Variants in MICB observed in about 807,000 individuals in gnomAD.
The protein encoded by MICB is MHC class I antigen-related protein B.
In MICB, 27 loss-of-function variants were observed where a neutral mutation model predicts 34.3. The observed-to-expected ratio is 0.79, with a 90% CI of 0.58 to 1.08. The LOEUF (loss-of-function observed/expected upper bound fraction) is 1.08. MICB is among the 50% of genes least tolerant of loss of function. The pLI is 0.00. For synonymous variants in MICB, 153 were observed against 187.4 expected, an observed-to-expected ratio of 0.82 and a Z score of 1.50; for missense variants, 426 against 483.1, an observed-to-expected ratio of 0.88 and a Z score of 1.11.
chr6:31,508,505 C>T (rs1215844160), intron 5 of MICB, among the ~76,000 whole-genome samples: 4 of 152,174 alleles, frequency 2.6e-5, no homozygotes, highest in Non-Finnish European at 4.4e-5. Context: ...TGTCAGTCGG[C>T]CCCTCATGCC....
At chr6:31,502,045 G>C (rs1172593155) in intron 1 of MICB, among the ~76,000 whole-genome samples, 1 of 152,140 alleles carries the variant, frequency 6.6e-6, no homozygotes, top group Non-Finnish European at 1.5e-5. Context: ...TAACAAAATT[G>C]ATTCTTCCGG....
At position 31,507,166 on chromosome 6, in the gene MICB, G is replaced by C. The variant is rs141005467; in HGVS notation, c.758G>C (p.Trp253Ser). 10 of 1,614,020 alleles carry C rather than the reference G, an allele frequency of 6.2e-6. No individual in the cohort carries two copies. The highest frequency in any genetic ancestry group is 2.2e-5 in the South Asian group (2 of 91,088). Residue 253 changes from tryptophan to serine, a missense_variant, in exon 4 of 6, where the codon TGG becomes TCG. Transcript: ENST00000252229. This position sits in a 1 kb window ranked among gnomAD's most constrained non-coding sequence, Gnocchi z 6.0. Reference protein sequence around the residue: ...GVSLSHNTQQWGDVLPDGNGT... With the variant: ...GVSLSHNTQQSGDVLPDGNGT... ...TCTTTGAGCCACAACACCCAGCAGT[G>C]GGGGGATGTCCTGCCTGATGGGAAT... is the stretch of plus-strand genomic sequence containing the variant.
chr6:31,507,519 G>T lies in MICB; in HGVS notation c.1012G>T (p.Ala338Ser), dbSNP rs958790674. 2 of 1,614,052 alleles carry T rather than the reference G, an allele frequency of 1.2e-6. No homozygotes were observed. The highest frequency in any genetic ancestry group is 1.7e-6 in the Non-Finnish European group (2 of 1,180,038). ...TTGTTGCAAGAAGAAAACATCAGCG[G>T]CAGAGGGTCCAGGTGAGAAAAGGGG... The part of the protein sequence containing the change: ...VPCCKKKTSA[A>S]EGPELVSLQV... Residue 338 changes from alanine to serine, a missense_variant, in exon 5 of 6, where the codon GCA becomes TCA. Physicochemically the swap from Ala to Ser is moderately conservative, Grantham distance 99. Transcript: ENST00000252229. The surrounding 1 kb of genome is among the most constrained non-coding windows in gnomAD (Gnocchi z 6.0).
Position 31,505,855 on chromosome 6 carries a change from C to G in MICB, c.309C>G (p.Ile103Met). Residue 103 changes from isoleucine (I) to methionine (M), a missense_variant, in exon 2 of 6, where the codon ATC (isoleucine) becomes ATG (methionine). Ile to Met is a conservative substitution (Grantham distance 10, BLOSUM62 1). Coordinates refer to ENST00000252229, the MANE Select transcript of MICB (RefSeq NM_005931.5). The part of the protein sequence containing the change: ...GQDLRRTLTH[I>M]KDQKGGLHSL... ...ACCTCAGGAGGACCCTGACTCATAT[C>G]AAGGACCAGAAAGGAGGTGAGAGTC... The G allele has an allele frequency of 1.9e-6, 3 of 1,608,180 alleles. No homozygotes were observed. The highest frequency in any genetic ancestry group is 2.5e-6 in the Non-Finnish European group (3 of 1,177,466).
In MICB at chr6:31,498,446, C is replaced by CTT. The variant is rs9279321; in HGVS notation, c.70+219_70+220dup. 5.9e-4 allele frequency among the ~76,000 whole-genome samples: 53 copies of CTT among 89,298 alleles called. 2 individuals are homozygous for CTT. The highest frequency in any genetic ancestry group is 1.4e-3 in the African/African-American group (31 of 21,532). The allele number at this position is 89,298 out of a possible 152,430, so 58.6% of individuals were successfully genotyped here. On this transcript the variant is annotated intron_variant, in intron 1 of 5. Coordinates refer to ENST00000252229, the MANE Select transcript of MICB (RefSeq NM_005931.5). ...AGCCCTGCTTTCCCATCTCCCGTCT[C>CTT]TTTTTTTTTTTTTTTTTTTTTTTTT...
Position 31,509,791 on chromosome 6 carries a change from G to C in MICB, c.1034G>C (p.Ser345Thr). The change falls in exon 6 of 6, where the codon AGC becomes ACC. Residue 345 changes from serine (S) to threonine (T), a missense_variant. Transcript: ENST00000252229. ...TTTCCCTCTTCTCCAGAGCTTGTGA[G>C]CCTGCAGGTCCTGGATCAACACCCA... is the stretch of plus-strand genomic sequence containing the variant. ...TSAAEGPELV[S>T]LQVLDQHPVG... is the part of the protein sequence containing the mutation. 6.2e-7 allele frequency: 1 copy of C among 1,611,320 alleles called. No individual in the cohort carries two copies. The highest frequency in any genetic ancestry group is 8.5e-7 in the Non-Finnish European group (1 of 1,178,512).
intron 3 of MICB, among the ~76,000 whole-genome samples, chr6:31,506,796 T>C (rs1765361532): frequency 1.3e-5 from 2 of 152,064 alleles, no homozygotes; most frequent in South Asian, 4.2e-4. Flanking sequence ...GACATCCCCC[T>C]CCTCAGCATC....
At chr6:31,509,757 A>ATT in intron 5 of MICB, 25 bp from the exon 6 acceptor site, 1 of 1,595,042 alleles carries the variant, frequency 6.3e-7, no homozygotes, top group Non-Finnish European at 8.5e-7. Flanking sequence ...CCAGTGGAGC[A>ATT]TTTACCCGTT....
intron 5 of MICB, among the ~76,000 whole-genome samples, chr6:31,508,586 G>A (rs9267426): frequency 0.043 from 6,514 of 152,272 alleles, 186 homozygotes; most frequent in Non-Finnish European, 0.059. Flanking sequence ...CCACAGCAGG[G>A]GCAGTGCAGG....
At chr6:31,505,970 G>T (rs1356083172) in intron 2 of MICB, 99 bp downstream of exon 2, 1 of 1,492,318 alleles carries the variant, frequency 6.7e-7, no homozygotes. Flanking sequence ...CTGGCTGGGG[G>T]TGGGGATGAG....
At chr6:31,500,849 T>A (rs1764982085) in intron 1 of MICB, among the ~76,000 whole-genome samples, 1 of 152,240 alleles carries the variant, frequency 6.6e-6, no homozygotes, top group African/African-American at 2.4e-5. Flanking sequence ...TTAGGTCGCT[T>A]GCAGATCTTG....
chr6:31,508,436 C>A (rs1765475524), intron 5 of MICB, among the ~76,000 whole-genome samples: 1 of 152,220 alleles, frequency 6.6e-6, no homozygotes, highest in South Asian at 2.1e-4. Context: ...CTGGGGTGTC[C>A]AGGAGACCTG....
chr6:31,505,838 A>T lies in MICB; in HGVS notation c.292A>T (p.Arg98Trp). The change falls in exon 2 of 6, where the codon AGG (arginine) becomes TGG (tryptophan). Residue 98 changes from arginine (R) to tryptophan (W), a missense_variant. Coordinates refer to ENST00000252229, the MANE Select transcript of MICB (RefSeq NM_005931.5). ...GACAGAGAATGGGCAAGACCTCAGGAGGACCCTGACTCATATCAAGGACCA... is the reference window on the plus strand; with the variant it reads ...GACAGAGAATGGGCAAGACCTCAGGTGGACCCTGACTCATATCAAGGACCA... ...DLTENGQDLR[R>W]TLTHIKDQKG... 1 of 1,611,710 alleles carries T rather than the reference A, an allele frequency of 6.2e-7. No individual in the cohort carries two copies. The highest frequency in any genetic ancestry group is 8.5e-7 in the Non-Finnish European group (1 of 1,179,268).
upstream of MICB, among the ~76,000 whole-genome samples, chr6:31,497,179 G>C (rs1356556497): frequency 6.6e-6 from 1 of 152,106 alleles, no homozygotes; most frequent in African/African-American, 2.4e-5. Flanking sequence ...TTGAAATAGC[G>C]TTGAAGGAGC....
upstream of MICB, chr6:31,496,853 A>G (rs1442992788): frequency 6.5e-6 from 1 of 152,682 alleles, no homozygotes; most frequent in East Asian, 1.9e-4. Context: ...GGTGACAGTA[A>G]CCTGGAAGAG....
chr6:31,497,517 G>A (rs1387685465), upstream of MICB, among the ~76,000 whole-genome samples: 1 of 152,068 alleles, frequency 6.6e-6, no homozygotes, highest in African/African-American at 2.4e-5. Context: ...GGTGAAAGGG[G>A]GGACCTGGCT....
At chr6:31,496,013 T>C (rs2534679), upstream of MICB, among the ~76,000 whole-genome samples, 47,943 of 152,108 alleles carry the variant, frequency 0.32, 7,780 homozygotes, top group Middle Eastern at 0.39. Context: ...CGGAATCACG[T>C]AGGGAACTTT....
In MICB at chr6:31,507,634, G is replaced by A. The variant is rs1765431514; in HGVS notation, c.1024+103G>A. ...ACAAGACGTAGGTGACAAGGCTGCT[G>A]GGACAGGGGATGGAAGCTGGGGTAT... is the stretch of plus-strand genomic sequence containing the variant. On this transcript the variant is annotated intron_variant, in intron 5 of 5. Coordinates refer to ENST00000252229, the MANE Select transcript of MICB (RefSeq NM_005931.5). This position sits in a 1 kb window ranked among gnomAD's most constrained non-coding sequence, Gnocchi z 6.0. The A allele has an allele frequency of 7.0e-7, 1 of 1,425,820 alleles. No individual in the cohort carries two copies. The highest frequency in any genetic ancestry group is 9.7e-7 in the Non-Finnish European group (1 of 1,029,924). 88.3% of individuals were successfully genotyped at this position (1,425,820 alleles called of 1,614,324 possible). A position where few individuals can be genotyped will look rare whatever the true frequency, so the allele number is the denominator to read the frequency against.
chr6:31,505,895 T>C, intron 2 of MICB, 24 bp downstream of exon 2: 1 of 1,571,984 alleles, frequency 6.4e-7, no homozygotes, highest in Non-Finnish European at 8.6e-7. Flanking sequence ...GGGGCAAGAG[T>C]AATGGGAGGC....
Sources: allele counts gnomAD v4.1 joint callset (sites outside exome capture counted in the v4.1 genomes callset), GRCh38; gene constraint gnomAD v4.1.1; non-coding constraint Gnocchi (gnomAD v3.1); transcripts MANE v1.5; gene names NCBI Gene and HGNC (gene_info 2026-07-23, HGNC 2026-07-21).